CA10: variants seen among roughly 807,000 people sequenced by gnomAD.
CA10 encodes the protein carbonic anhydrase-related protein 10.
Under a neutral mutation model 44.2 loss-of-function variants are expected in CA10, and 14 were observed. The ratio of observed to expected loss-of-function variants is 0.32; its 90% confidence interval spans 0.21 to 0.50. CA10 has a LOEUF of 0.50. Ranked by LOEUF, CA10 falls within the 20% of genes least tolerant of loss-of-function variation. The pLI is 0.99. For synonymous variants in CA10, 159 were observed against 141.6 expected (o/e 1.12, Z -0.87); for missense variants, 350 against 409.7 (o/e 0.85, Z 1.26).
At chr17:52,052,121 C>T (rs1161999662) in intron 2 of CA10, among the ~76,000 whole-genome samples, 1 of 151,404 alleles carries the variant, frequency 6.6e-6, no homozygotes. Context: ...CATACTGGGG[C>T]CTTTCAGAGG....
At chr17:51,932,849 C>A (rs1982717875) in intron 2 of CA10, among the ~76,000 whole-genome samples, 1 of 152,102 alleles carries the variant, frequency 6.6e-6, no homozygotes, top group Non-Finnish European at 1.5e-5. Flanking sequence ...TAAGAAAGTT[C>A]TTGCATTATG....
chr17:52,029,272 A>G (rs1986392636), intron 2 of CA10, among the ~76,000 whole-genome samples: 1 of 152,120 alleles, frequency 6.6e-6, no homozygotes, highest in South Asian at 2.1e-4. Flanking sequence ...GTAGATCATC[A>G]TAGGAGATGA....
chr17:51,896,577 T>A (rs1320477322), intron 3 of CA10, among the ~76,000 whole-genome samples: 1 of 152,178 alleles, frequency 6.6e-6, no homozygotes, highest in Non-Finnish European at 1.5e-5. Context: ...GCAGCACAAT[T>A]TATATATCTT....
chr17:52,112,838 T>C (rs971441088), intron 1 of CA10, among the ~76,000 whole-genome samples: 2 of 152,344 alleles, frequency 1.3e-5, no homozygotes, highest in East Asian at 3.9e-4. Flanking sequence ...CCCTTTCTCA[T>C]GGATAAGTTT....
chr17:51,915,395 A>T (rs1415797082), intron 3 of CA10, among the ~76,000 whole-genome samples: 2 of 152,188 alleles, frequency 1.3e-5, no homozygotes, highest in Non-Finnish European at 2.9e-5. Context: ...CCTTTGGTTA[A>T]TAGATTGATT....
chr17:51,978,253 T>C (rs1984527760), intron 2 of CA10, among the ~76,000 whole-genome samples: 1 of 152,104 alleles, frequency 6.6e-6, no homozygotes, highest in African/African-American at 2.4e-5. Flanking sequence ...CTTAAAAACT[T>C]ACCGTAAAGC....
intron 3 of CA10, among the ~76,000 whole-genome samples, chr17:51,830,077 A>G (rs1267690474): frequency 1.3e-5 from 2 of 151,708 alleles, no homozygotes; most frequent in Non-Finnish European, 2.9e-5. Flanking sequence ...CATGCCTGTC[A>G]TCCCAGCTAC....
At chr17:51,804,908 A>G (rs1376161434) in intron 3 of CA10, among the ~76,000 whole-genome samples, 2 of 152,202 alleles carry the variant, frequency 1.3e-5, no homozygotes, top group African/African-American at 4.8e-5. Context: ...AAGTTCCTTA[A>G]TTGCAAATTT....
intron 3 of CA10, among the ~76,000 whole-genome samples, chr17:51,915,213 A>G (rs1247200702): frequency 6.6e-6 from 1 of 152,182 alleles, no homozygotes; most frequent in African/African-American, 2.4e-5. Flanking sequence ...TGTCTCAAGC[A>G]TCCTACAGGG....
At chr17:52,026,381 T>G (rs1243926914) in intron 2 of CA10, among the ~76,000 whole-genome samples, 1 of 152,146 alleles carries the variant, frequency 6.6e-6, no homozygotes, top group Non-Finnish European at 1.5e-5. Context: ...CTCTACTCAA[T>G]AGCATCTACT....
At chr17:51,845,089 G>A (rs538283793) in intron 3 of CA10, among the ~76,000 whole-genome samples, 1 of 152,192 alleles carries the variant, frequency 6.6e-6, no homozygotes, top group South Asian at 2.1e-4. Context: ...TGAGGAAGAT[G>A]CAAGGAAGGA....
chr17:52,156,101 G>A (rs1030066278), intron 1 of CA10, among the ~76,000 whole-genome samples: 1 of 152,174 alleles, frequency 6.6e-6, no homozygotes, highest in African/African-American at 2.4e-5. Context: ...AAGGTACTCA[G>A]ATGGCTTGTC....
chr17:51,945,784 A>C (rs1983250284), intron 2 of CA10, among the ~76,000 whole-genome samples: 1 of 151,322 alleles, frequency 6.6e-6, no homozygotes, highest in Non-Finnish European at 1.5e-5. Context: ...TCCATTTCTC[A>C]CTCCCTTTCA....
At chr17:51,921,445 T>A (rs929310276) in intron 3 of CA10, among the ~76,000 whole-genome samples, 1 of 152,220 alleles carries the variant, frequency 6.6e-6, no homozygotes. Context: ...ACATTTAAAA[T>A]CAGCTGTAAT....
chr17:51,660,561 G>A (rs555487137), intron 4 of CA10, among the ~76,000 whole-genome samples: 11 of 152,246 alleles, frequency 7.2e-5, no homozygotes, highest in South Asian at 2.1e-4. Context: ...AGTGCATGCC[G>A]GGGGCTGCTC....
chr17:51,725,869 G>A (rs1916499621), intron 4 of CA10, among the ~76,000 whole-genome samples: 1 of 152,086 alleles, frequency 6.6e-6, no homozygotes. Flanking sequence ...TGTTCTAAGC[G>A]AGACAGGAAC....
chr17:51,841,828 C>T (rs576924424), intron 3 of CA10, among the ~76,000 whole-genome samples: 6 of 152,152 alleles, frequency 3.9e-5, no homozygotes, highest in African/African-American at 1.4e-4. Flanking sequence ...ATATTAGGAC[C>T]CTGACTCCAC....
intron 2 of CA10, among the ~76,000 whole-genome samples, chr17:51,936,640 A>T (rs1263586159): frequency 6.6e-6 from 1 of 152,178 alleles, no homozygotes; most frequent in Non-Finnish European, 1.5e-5. Flanking sequence ...GACCAGGAAC[A>T]GATGGCTCAG....
At chr17:52,023,719 A>G (rs1986211260) in intron 2 of CA10, among the ~76,000 whole-genome samples, 4 of 151,718 alleles carry the variant, frequency 2.6e-5, no homozygotes, top group Admixed American at 2.0e-4. Context: ...CTTGCAAAGT[A>G]TGCATGCAAC....
Sources: allele counts gnomAD v4.1 joint callset (sites outside exome capture counted in the v4.1 genomes callset), GRCh38; gene constraint gnomAD v4.1.1; transcripts MANE v1.5; gene names NCBI Gene and HGNC (gene_info 2026-07-23, HGNC 2026-07-21).